The following RPA1 variants were observed in gnomAD, a reference collection of about 807,000 sequenced individuals.
The protein encoded by RPA1 is replication protein A 70 kDa DNA-binding subunit.
Under a neutral mutation model 83.0 loss-of-function variants are expected in RPA1, and 49 were observed. That is an observed-to-expected ratio of 0.59 (90% CI 0.47 to 0.75). The LOEUF is 0.75. Ranked by LOEUF, RPA1 falls within the 30% of genes least tolerant of loss-of-function variation. The pLI is 0.00. For synonymous variants in RPA1, 279 were observed against 281.8 expected, an observed-to-expected ratio of 0.99 and a Z score of 0.10; for missense variants, 693 against 776.1, an observed-to-expected ratio of 0.89 and a Z score of 1.27.
chr17:1,832,097 T>C (rs538214633), intron 1 of RPA1, among the ~76,000 whole-genome samples: 1 of 151,692 alleles, frequency 6.6e-6, no homozygotes, highest in East Asian at 2.0e-4. Flanking sequence ...CCTGCGTAAT[T>C]TTTTGTATTT....
rs1914593004 is a variant in RPA1, at chr17:1,900,063, G to A, written c.*2888G>A. 6.6e-6 allele frequency: 1 copy of A among 152,046 alleles called. No individual in the cohort carries two copies. The allele number at this position is 152,046 out of a possible 1,614,324, so 9.4% of individuals were successfully genotyped here. A position where few individuals can be genotyped will look rare whatever the true frequency, so the allele number is the denominator to read the frequency against. On this transcript the variant is annotated 3_prime_UTR_variant, in exon 17 of 17. Coordinates refer to ENST00000254719, the MANE Select transcript of RPA1 (RefSeq NM_002945.5). ...AATTTTCACTTATTCAAAAAAACTG[G>A]TATTTTTGTTATTAAGACATTAAGT... is the stretch of plus-strand genomic sequence containing the variant.
chr17:1,853,915 A>G (rs1302597809), intron 5 of RPA1, among the ~76,000 whole-genome samples: 1 of 152,174 alleles, frequency 6.6e-6, no homozygotes, highest in Non-Finnish European at 1.5e-5. Flanking sequence ...ATTTACTGCT[A>G]AGCCATGAGT....
At chr17:1,830,286 C>T (rs1911489934) in intron 1 of RPA1, among the ~76,000 whole-genome samples, 160 bp downstream of exon 1, 1 of 152,210 alleles carries the variant, frequency 6.6e-6, no homozygotes, top group South Asian at 2.1e-4. Context: ...CCTCTAGTGT[C>T]ATCGCCCCCT....
At chr17:1,875,590 T>G (rs748145435) in intron 6 of RPA1, 71 bp from the exon 7 acceptor site, 1 of 1,514,744 alleles carries the variant, frequency 6.6e-7, no homozygotes, top group Non-Finnish European at 8.9e-7. Context: ...TTTAGAGTTA[T>G]TGTAAAGCTT....
chr17:1,887,596 A>C (rs1914041106), intron 13 of RPA1, among the ~76,000 whole-genome samples: 1 of 150,942 alleles, frequency 6.6e-6, no homozygotes, highest in Non-Finnish European at 1.5e-5. Context: ...ATATGATAAT[A>C]ATGAAAAAGG....
At chr17:1,861,363 C>T (rs1912959797) in intron 5 of RPA1, among the ~76,000 whole-genome samples, 1 of 152,210 alleles carries the variant, frequency 6.6e-6, no homozygotes, top group Non-Finnish European at 1.5e-5. Context: ...ACAGCAGGCG[C>T]TACCCCTCAT....
chr17:1,843,951 C>A lies in RPA1; in HGVS notation c.116C>A (p.Pro39Gln). The change falls in exon 3 of 17, where the codon CCG becomes CAG. Residue 39 changes from proline (P) to glutamine (Q), a missense_variant. By Grantham distance (76) the Pro-to-Gln change is moderately conservative. Coordinates refer to ENST00000254719, the MANE Select transcript of RPA1 (RefSeq NM_002945.5). ...NIRPITTGNS[P>Q]PRYRLLMSDG... is the part of the protein sequence containing the mutation. ...CGTCCCATTACTACGGGGAATAGTC[C>A]GCCGCGTTATCGACTGCTCATGAGT... 1 of 1,613,836 alleles carries A rather than the reference C, an allele frequency of 6.2e-7. No homozygotes were observed. Among genetic ancestry groups the A allele is most frequent in the South Asian group, 1.1e-5 (1 of 91,052 alleles).
chr17:1,866,706 C>T (rs1913189623), intron 5 of RPA1, among the ~76,000 whole-genome samples: 1 of 152,186 alleles, frequency 6.6e-6, no homozygotes, highest in Admixed American at 6.5e-5. Flanking sequence ...GGTGATCTGC[C>T]CACCTCTGCC....
At chr17:1,833,224 C>T (rs1307437081) in intron 1 of RPA1, among the ~76,000 whole-genome samples, 1 of 152,214 alleles carries the variant, frequency 6.6e-6, no homozygotes, top group Non-Finnish European at 1.5e-5. Flanking sequence ...TGTGCCTGGC[C>T]TAATACTTTG....
chr17:1,876,814 G>A lies in RPA1; in HGVS notation c.588-398G>A, dbSNP rs189374028. Among the ~76,000 whole-genome samples the A allele has an allele frequency of 3.1e-3, 471 of 152,242 alleles. 3 individuals carry two copies. The highest frequency in any genetic ancestry group is 0.017 in the Middle Eastern group (5 of 294). On this transcript the variant is annotated intron_variant, in intron 7 of 16. Transcript: ENST00000254719. ...GTGTATTCTATTCAGGGTGTGTTAC[G>A]AATGAGACAGAAGTGTAACACCAGT...
intron 16 of RPA1, among the ~76,000 whole-genome samples, chr17:1,896,398 G>A (rs757611586): frequency 4.6e-5 from 7 of 152,206 alleles, no homozygotes; most frequent in Non-Finnish European, 1.0e-4. Context: ...AGGGGGAGTG[G>A]TAGAAACGCC....
At chr17:1,836,544 T>C (rs1467397766) in intron 1 of RPA1, among the ~76,000 whole-genome samples, 1 of 152,166 alleles carries the variant, frequency 6.6e-6, no homozygotes, top group Non-Finnish European at 1.5e-5. Flanking sequence ...CCCACCTCCA[T>C]CCTCACCCTA....
chr17:1,831,793 G>A (rs938882527), intron 1 of RPA1, among the ~76,000 whole-genome samples: 1 of 150,750 alleles, frequency 6.6e-6, no homozygotes, highest in East Asian at 1.9e-4. Context: ...TAGAGACGGG[G>A]TTTCACCGTG....
chr17:1,875,607 A>G, intron 6 of RPA1, 54 bp from the exon 7 acceptor site: 1 of 1,553,376 alleles, frequency 6.4e-7, no homozygotes, highest in South Asian at 1.2e-5. Context: ...GCTTACTATA[A>G]AAAAGCTAAG....
intron 4 of RPA1, among the ~76,000 whole-genome samples, chr17:1,851,336 C>T (rs997808550): frequency 2.0e-5 from 3 of 152,060 alleles, no homozygotes; most frequent in African/African-American, 4.8e-5. Context: ...TTTCCTGTGA[C>T]GGTAGATTGA....
At chr17:1,863,150 A>T (rs571054849) in intron 5 of RPA1, among the ~76,000 whole-genome samples, 1 of 151,052 alleles carries the variant, frequency 6.6e-6, no homozygotes, top group Non-Finnish European at 1.5e-5. Flanking sequence ...CAGCTTTCCC[A>T]GTAGCTGGGA....
At position 1,897,985 on chromosome 17, in the gene RPA1, A is replaced by G. The variant is rs1437123188; in HGVS notation, c.*810A>G. 2 of 152,072 alleles carry G rather than the reference A, an allele frequency of 1.3e-5. No homozygotes were observed. Among genetic ancestry groups the G allele is most frequent in the Non-Finnish European group, 2.9e-5 (2 of 67,980 alleles). 9.4% of individuals were successfully genotyped at this position (152,072 alleles called of 1,614,324 possible). A position where few individuals can be genotyped will look rare whatever the true frequency, so the allele number is the denominator to read the frequency against. On this transcript the variant is annotated 3_prime_UTR_variant, in exon 17 of 17. Transcript: ENST00000254719. ...GCATTCATGTATTTTGTTTTTTTTG[A>G]CTAAAGCTATGTTACATGGAAAGGA...
intron 5 of RPA1, among the ~76,000 whole-genome samples, chr17:1,866,935 G>A (rs1205237071): frequency 6.6e-6 from 1 of 152,166 alleles, no homozygotes; most frequent in African/African-American, 2.4e-5. Flanking sequence ...GTATACGTCT[G>A]TGTGCACGTG....
intron 1 of RPA1, among the ~76,000 whole-genome samples, chr17:1,832,845 T>G (rs1323654379): frequency 6.6e-6 from 1 of 152,212 alleles, no homozygotes; most frequent in Non-Finnish European, 1.5e-5. Flanking sequence ...AAATGCTCAG[T>G]GTTTATGTTA....
Sources: allele counts gnomAD v4.1 joint callset (sites outside exome capture counted in the v4.1 genomes callset), GRCh38; gene constraint gnomAD v4.1.1; transcripts MANE v1.5; gene names NCBI Gene and HGNC (gene_info 2026-07-23, HGNC 2026-07-21).